The following TENT4A variants were observed in gnomAD, a reference collection of about 807,000 sequenced individuals.
TENT4A encodes the protein DNA polymerase kappa.
In TENT4A, 7 loss-of-function variants were observed where a neutral mutation model predicts 72.8. The ratio of observed to expected loss-of-function variants is 0.10; its 90% CI spans 0.05 to 0.18. The LOEUF (loss-of-function observed/expected upper bound fraction) is 0.18. Among genes scored for constraint, TENT4A ranks in the 10% least tolerant of loss-of-function variants. TENT4A has a pLI of 1.00. For synonymous variants in TENT4A, 456 were observed against 434.3 expected (o/e 1.05, Z -0.62); for missense variants, 831 against 1,017.7 (o/e 0.82, Z 2.50).
rs751977228 is a variant in TENT4A at position 6,738,669 on chromosome 5, A to G, written c.841-14A>G. The G allele has an allele frequency of 2.5e-6, 4 of 1,607,894 alleles. No homozygotes were observed. The highest frequency in any genetic ancestry group is 3.4e-6 in the Non-Finnish European group (4 of 1,174,478). On this transcript the variant is annotated splice_polypyrimidine_tract_variant and intron_variant, in intron 2 of 12. Transcript: ENST00000230859. ...TTGTGGTATACATTTTAAGGCAACC[A>G]CTCTTTCTTTCAGGTACAGATATTT... is the stretch of plus-strand genomic sequence containing the variant.
chr5:6,715,871 C>T (rs980261374), intron 1 of TENT4A, among the ~76,000 whole-genome samples: 27 of 152,300 alleles, frequency 1.8e-4, no homozygotes, highest in Admixed American at 4.6e-4. Flanking sequence ...GTGCAGACGC[C>T]GGCAGGAGCG....
At chr5:6,720,569 G>A (rs780932134) in intron 1 of TENT4A, among the ~76,000 whole-genome samples, 29 of 151,904 alleles carry the variant, frequency 1.9e-4, no homozygotes, top group Non-Finnish European at 3.2e-4. Context: ...AGGACTACTC[G>A]GGAGGCAGAG....
chr5:6,717,297 G>A (rs1417683250), intron 1 of TENT4A, among the ~76,000 whole-genome samples: 1 of 152,254 alleles, frequency 6.6e-6, no homozygotes, highest in African/African-American at 2.4e-5. Flanking sequence ...CCTTGTTGCT[G>A]AGAAGCTGCT....
chr5:6,730,576 C>T (rs989759319), intron 1 of TENT4A, among the ~76,000 whole-genome samples: 1 of 152,262 alleles, frequency 6.6e-6, no homozygotes, highest in African/African-American at 2.4e-5. Flanking sequence ...TCCCCTTACA[C>T]GTGAGCCTGC....
At chr5:6,731,928 G>GC (rs1221672971) in intron 1 of TENT4A, among the ~76,000 whole-genome samples, 2 of 152,180 alleles carry the variant, frequency 1.3e-5, no homozygotes, top group African/African-American at 2.4e-5. Flanking sequence ...GCTTCTTCCA[G>GC]CCCCACTGTT....
At chr5:6,729,415 T>G (rs1450025295) in intron 1 of TENT4A, among the ~76,000 whole-genome samples, 1 of 152,264 alleles carries the variant, frequency 6.6e-6, no homozygotes, top group Non-Finnish European at 1.5e-5. Flanking sequence ...TCACTTATCT[T>G]TCATCCAGTG....
intron 4 of TENT4A, 47 bp downstream of exon 4, chr5:6,739,899 C>T: frequency 6.3e-7 from 1 of 1,593,068 alleles, no homozygotes; most frequent in South Asian, 1.1e-5. Flanking sequence ...AGCCTTGTCA[C>T]ATCCCAGGTG....
intron 1 of TENT4A, among the ~76,000 whole-genome samples, chr5:6,734,183 C>T (rs1041749048): frequency 2.6e-5 from 4 of 152,310 alleles, no homozygotes; most frequent in African/African-American, 2.4e-5. Flanking sequence ...GCAGGGAGGC[C>T]GAAGGGCCAG....
chr5:6,732,202 G>A (rs1741250093), intron 1 of TENT4A, among the ~76,000 whole-genome samples: 1 of 152,230 alleles, frequency 6.6e-6, no homozygotes, highest in Non-Finnish European at 1.5e-5. Context: ...GGCAGTGCAC[G>A]GGTGGGCTTG....
At chr5:6,741,654 A>T (rs28381369) in intron 4 of TENT4A, among the ~76,000 whole-genome samples, 1 of 152,238 alleles carries the variant, frequency 6.6e-6, no homozygotes, top group African/African-American at 2.4e-5. Context: ...CTCTGGCCCC[A>T]CTGGCATGTC....
intron 1 of TENT4A, among the ~76,000 whole-genome samples, chr5:6,720,093 A>G (rs1438696422): frequency 6.6e-6 from 1 of 152,192 alleles, no homozygotes; most frequent in Non-Finnish European, 1.5e-5. Context: ...TCTTAAGGCC[A>G]CCTGCATTCC....
At position 6,720,818 on chromosome 5, in the gene TENT4A, T is replaced by C. The variant is rs191912746; in HGVS notation, c.716+6119T>C. 3.9e-5 allele frequency among the ~76,000 whole-genome samples: 6 copies of C among 152,308 alleles called. No individual in the cohort carries two copies. The East Asian group carries it at 1.2e-3, about 29-fold the overall frequency. On this transcript the variant is annotated intron_variant, in intron 1 of 12. Transcript: ENST00000230859. ...CATTGGCTAGTTTAGGAAAGGGGTC[T>C]TTCCTATGCAGGTGGGGGTTGATGA...
At chr5:6,739,044 A>G (rs1741662061) in intron 3 of TENT4A, among the ~76,000 whole-genome samples, 1 of 152,206 alleles carries the variant, frequency 6.6e-6, no homozygotes, top group Admixed American at 6.5e-5. Context: ...ATATTTTAGG[A>G]CATGTGTTTG....
chr5:6,722,547 G>GTTTTTTTTTTTT (rs55840324), intron 1 of TENT4A, among the ~76,000 whole-genome samples: 1 of 123,266 alleles, frequency 8.1e-6, no homozygotes, highest in African/African-American at 3.1e-5. Flanking sequence ...GCATTTGTTA[G>GTTTTTTTTTTTT]TTTTTTTTTT....
At chr5:6,749,510 C>A in intron 8 of TENT4A, 47 bp from the exon 9 acceptor site, 1 of 1,292,792 alleles carries the variant, frequency 7.7e-7, no homozygotes, top group South Asian at 1.2e-5. Flanking sequence ...TCTCAGCTCC[C>A]TGACACCTGT....
chr5:6,743,942 A>G, intron 6 of TENT4A, 102 bp downstream of exon 6: 2 of 1,039,946 alleles, frequency 1.9e-6, no homozygotes, highest in South Asian at 1.5e-5. Context: ...CTCTCCTTTT[A>G]CTGTATTGTT....
chr5:6,727,625 C>G (rs1454052060), intron 1 of TENT4A, among the ~76,000 whole-genome samples: 1 of 152,182 alleles, frequency 6.6e-6, no homozygotes, highest in Non-Finnish European at 1.5e-5. Flanking sequence ...ACTGGCTGCT[C>G]GTTACCTTTC....
chr5:6,752,899 C>G lies in TENT4A; in HGVS notation c.2046C>G (p.Thr682=). The G allele has an allele frequency of 1.2e-6, 2 of 1,614,094 alleles. No individual in the cohort carries two copies. The highest frequency in any genetic ancestry group is 8.5e-7 in the Non-Finnish European group (1 of 1,179,982). The change falls in exon 12 of 13, where the codon ACC becomes ACG. Residue 682 remains threonine, a synonymous_variant. Transcript: ENST00000230859. ...CCAGGTTTACTATACCTCCACCGAC[C>G]CTAGGGGTTGCTCCTGTTCCTTGCA... ...NQTRFTIPPP[T]LGVAPVPCRQ...
intron 1 of TENT4A, among the ~76,000 whole-genome samples, chr5:6,716,694 C>G (rs1011763610): frequency 2.0e-5 from 3 of 152,256 alleles, no homozygotes; most frequent in African/African-American, 7.2e-5. Flanking sequence ...CTCTGCTGCT[C>G]AGATGCCCCT....
Sources: allele counts gnomAD v4.1 joint callset (sites outside exome capture counted in the v4.1 genomes callset), GRCh38; gene constraint gnomAD v4.1.1; transcripts MANE v1.5; gene names NCBI Gene and HGNC (gene_info 2026-07-23, HGNC 2026-07-21).